MBD3: variants seen among roughly 807,000 people sequenced by gnomAD.
MBD3 encodes methyl-CpG binding domain protein 3.
In MBD3, 13 loss-of-function variants were observed where a neutral mutation model predicts 31.2. That is an observed-to-expected ratio of 0.42 (90% CI 0.27 to 0.66). The LOEUF (loss-of-function observed/expected upper bound fraction) is 0.66, where lower values mean the gene tolerates loss of function less well. MBD3 is among the 30% of genes least tolerant of loss of function. MBD3 has a pLI of 0.26. For synonymous variants in MBD3, 223 were observed against 187.4 expected (o/e 1.19, Z -1.55); for missense variants, 440 against 426.5 (o/e 1.03, Z -0.28).
chr19:1,582,844 A>G, intron 3 of MBD3, 132 bp from the exon 4 acceptor site: 1 of 745,360 alleles, frequency 1.3e-6, no homozygotes. Flanking sequence ...CTCCCCTCCC[A>G]CTGCCTTGGG....
Position 1,585,231 on chromosome 19 carries a change from C to T in MBD3, c.111-17G>A, listed in dbSNP as rs2145603254. ...CCGCTCGGGCTGCGGGGAGGCGGGA[C>T]GGTCGGCGCCCCGGGCGGACCCCAG... On this transcript the variant is annotated splice_polypyrimidine_tract_variant and intron_variant, in intron 1 of 6. Coordinates refer to ENST00000434436, the MANE Select transcript of MBD3 (RefSeq NM_001281453.2). This position sits in a 1 kb window ranked among gnomAD's most constrained non-coding sequence, Gnocchi z 4.1. 1 of 1,571,082 alleles carries T rather than the reference C, an allele frequency of 6.4e-7. No individual in the cohort carries two copies. The highest frequency in any genetic ancestry group is 8.6e-7 in the Non-Finnish European group (1 of 1,165,714).
At position 1,578,476 on chromosome 19, in the gene MBD3, A is replaced by G; in HGVS notation, c.740T>C (p.Met247Thr). ...KRLEEALMAD[M>T]LAHVEELARD... The stretch of plus-strand genomic sequence containing the variant: ...GGCCAGCTCCTCCACGTGCGCCAGC[A>G]TGTCGGCCATCAGCGCCTCCTCCAG... The change falls in exon 6 of 7, where the codon ATG (methionine) becomes ACG (threonine). Residue 247 changes from methionine to threonine, a missense_variant. Coordinates refer to ENST00000434436, the MANE Select transcript of MBD3 (RefSeq NM_001281453.2). The surrounding 1 kb of genome is among the most constrained non-coding windows in gnomAD (Gnocchi z 6.1). 6.2e-7 allele frequency: 1 copy of G among 1,610,758 alleles called. No individual in the cohort carries two copies. The highest frequency in any genetic ancestry group is 8.5e-7 in the Non-Finnish European group (1 of 1,179,870).
At position 1,574,298 on chromosome 19, in the gene MBD3, CA is replaced by C. The variant is rs965122394; in HGVS notation, c.*3865del. 4.0e-5 allele frequency: 6 copies of C among 148,330 alleles called. No homozygotes were observed. Among genetic ancestry groups the C allele is most frequent in the Admixed American group, 6.7e-5 (1 of 14,842 alleles). 9.2% of individuals were successfully genotyped at this position (148,330 alleles called of 1,614,324 possible). A position where few individuals can be genotyped will look rare whatever the true frequency, so the allele number is the denominator to read the frequency against. On this transcript the variant is annotated 3_prime_UTR_variant, in exon 7 of 7. Coordinates refer to ENST00000434436, the MANE Select transcript of MBD3 (RefSeq NM_001281453.2). ...GGGTGACAAGAGTGAGACTCCATCT[CA>C]AAAAAAAAACTGTGGAACATTATCA...
chr19:1,581,025 G>A, intron 5 of MBD3, 67 bp downstream of exon 5: 2 of 1,588,152 alleles, frequency 1.3e-6, no homozygotes, highest in Non-Finnish European at 1.7e-6. Flanking sequence ...GGCACACGGG[G>A]ACACTCAGGG....
rs755847197 is a variant in MBD3 at position 1,582,679 on chromosome 19, C to T, written c.442G>A (p.Ala148Thr). 15 of 1,613,924 alleles carry T rather than the reference C, an allele frequency of 9.3e-6. No individual in the cohort carries two copies. The highest frequency in any genetic ancestry group is 4.5e-5 in the East Asian group (2 of 44,896). ...ACCAGCTCCTCAGCAATGTCGAAGG[C>T]GTTCAGGCCGCTCAGCTTCTTCTCC... ...FWEKKLSGLN[A>T]FDIAEELVKT... The change falls in exon 4 of 7, where the codon GCC becomes ACC. Residue 148 changes from alanine (A) to threonine (T), a missense_variant. Ala to Thr is a moderately conservative substitution (Grantham distance 58). Transcript: ENST00000434436.
intron 1 of MBD3, 94 bp downstream of exon 1, chr19:1,592,428 C>A (rs970453474): frequency 3.1e-5 from 12 of 387,096 alleles, no homozygotes; most frequent in Non-Finnish European, 4.7e-5. Flanking sequence ...CGCGCGGGGC[C>A]CAGGCCGCGG....
intron 1 of MBD3, among the ~76,000 whole-genome samples, chr19:1,587,256 C>T (rs1004223269): frequency 2.0e-5 from 3 of 151,740 alleles, no homozygotes; most frequent in Non-Finnish European, 2.9e-5. Flanking sequence ...TGAGCCACCG[C>T]GCCCAGCCAA....
rs1161765301 is a variant in MBD3 at position 1,592,655 on chromosome 19, G to T, written c.-24C>A. On this transcript the variant is annotated 5_prime_UTR_variant, in exon 1 of 7. Coordinates refer to ENST00000434436, the MANE Select transcript of MBD3 (RefSeq NM_001281453.2). ...ATTGCGCCCGGCTCCTCGGCCCGCCGCCGGGCCCGCCGCCGCCGCCCGGAC... is the reference window on the plus strand; with the variant it reads ...ATTGCGCCCGGCTCCTCGGCCCGCCTCCGGGCCCGCCGCCGCCGCCCGGAC... The T allele has an allele frequency of 1.9e-6, 2 of 1,073,626 alleles. No individual in the cohort carries two copies. The highest frequency in any genetic ancestry group is 2.4e-6 in the Non-Finnish European group (2 of 837,848). 66.5% of individuals were successfully genotyped at this position (1,073,626 alleles called of 1,614,324 possible). A position where few individuals can be genotyped will look rare whatever the true frequency, so the allele number is the denominator to read the frequency against.
chr19:1,585,212 G>C lies in MBD3; in HGVS notation c.113C>G (p.Pro38Arg). The C allele has an allele frequency of 6.3e-7, 1 of 1,591,894 alleles. No individual in the cohort carries two copies. Among genetic ancestry groups the C allele is most frequent in the Non-Finnish European group, 8.5e-7 (1 of 1,174,992 alleles). ...AGHRDVFYYS[P>R]SGKKFRSKPQ... is the part of the protein sequence containing the mutation. The stretch of plus-strand genomic sequence containing the variant: ...CTTGCTGCGGAACTTCTTCCCGCTC[G>C]GGCTGCGGGGAGGCGGGACGGTCGG... The change falls in exon 2 of 7, where the codon CCG becomes CGG. Residue 38 changes from proline (P) to arginine (R), a missense_variant and splice_region_variant. By Grantham distance (103) the Pro-to-Arg change is moderately radical. Transcript: ENST00000434436. The surrounding 1 kb of genome is among the most constrained non-coding windows in gnomAD (Gnocchi z 4.1).
Position 1,579,032 on chromosome 19 carries a change from A to G in MBD3, c.678-494T>C, listed in dbSNP as rs558907208. The stretch of plus-strand genomic sequence containing the variant: ...AACCCCATCTCTACTAAAAATATAA[A>G]AATTAGCTGGGCGTGGTGGCGGCCG... On this transcript the variant is annotated intron_variant, in intron 5 of 6. Transcript: ENST00000434436. Among the ~76,000 whole-genome samples, 109 of 151,856 alleles carry G rather than the reference A, an allele frequency of 7.2e-4. No homozygotes were observed. In the East Asian group the frequency reaches 0.014, roughly 20 times the overall value.
intron 1 of MBD3, among the ~76,000 whole-genome samples, chr19:1,586,797 G>T (rs1185756899): frequency 6.6e-6 from 1 of 151,566 alleles, no homozygotes; most frequent in Non-Finnish European, 1.5e-5. Context: ...CTCCTGAGTA[G>T]CTGGGAGTAC....
chr19:1,582,160 G>A (rs1423388585), intron 4 of MBD3, among the ~76,000 whole-genome samples: 4 of 151,214 alleles, frequency 2.6e-5, no homozygotes, highest in East Asian at 1.9e-4. Context: ...CCCCAGCCCC[G>A]CCAAGTGCTG....
At position 1,584,586 on chromosome 19, in the gene MBD3, T is replaced by C. The variant is rs917325754; in HGVS notation, c.362A>G (p.Asn121Ser). 3 of 1,613,800 alleles carry C rather than the reference T, an allele frequency of 1.9e-6. No homozygotes were observed. The highest frequency in any genetic ancestry group is 1.1e-5 in the South Asian group (1 of 91,094). Residue 121 changes from asparagine to serine, a missense_variant, in exon 3 of 7, where the codon AAC becomes AGC. Transcript: ENST00000434436. ...CTTCTGCGGGTCGCTCTTGACCTTG[T>C]TGCTGGGGTGGTTGGTAATCTTGGT... is the stretch of plus-strand genomic sequence containing the variant. ...PVTKITNHPS[N>S]KVKSDPQKAV...
At chr19:1,583,156 A>G (rs2060660800) in intron 3 of MBD3, 1 of 182,978 alleles carries the variant, frequency 5.5e-6, no homozygotes, top group South Asian at 1.0e-4. Flanking sequence ...GTGAGCTGAG[A>G]CCGCACCATT....
chr19:1,585,729 G>A lies in MBD3; in HGVS notation c.111-515C>T, dbSNP rs879416081. Among the ~76,000 whole-genome samples, 18 of 152,166 alleles carry A rather than the reference G, an allele frequency of 1.2e-4. No homozygotes were observed. Among genetic ancestry groups the A allele is most frequent in the Non-Finnish European group, 1.2e-4 (8 of 68,044 alleles). On this transcript the variant is annotated intron_variant, in intron 1 of 6. Coordinates refer to ENST00000434436, the MANE Select transcript of MBD3 (RefSeq NM_001281453.2). The surrounding 1 kb of genome is among the most constrained non-coding windows in gnomAD (Gnocchi z 4.1). ...TCACATTCTTGAGAAAAGACCCCAC[G>A]GAGAACAGGTATGTGAGGGACAGCC...
intron 5 of MBD3, among the ~76,000 whole-genome samples, chr19:1,579,734 C>T (rs1353464746): frequency 1.3e-5 from 2 of 152,162 alleles, no homozygotes; most frequent in Non-Finnish European, 2.9e-5. Flanking sequence ...TCCTGCGGAA[C>T]CCACCACCGA....
At position 1,585,472 on chromosome 19, in the gene MBD3, G is replaced by C; in HGVS notation, c.111-258C>G. 2.0e-6 allele frequency: 1 copy of C among 511,620 alleles called. No homozygotes were observed. The allele number at this position is 511,620 out of a possible 1,614,324, so 31.7% of individuals were successfully genotyped here. A position where few individuals can be genotyped will look rare whatever the true frequency, so the allele number is the denominator to read the frequency against. On this transcript the variant is annotated intron_variant, in intron 1 of 6. Transcript: ENST00000434436. This position sits in a 1 kb window ranked among gnomAD's most constrained non-coding sequence, Gnocchi z 4.1. ...TAGATCTGGGCGCCAGCCAGACCCAGAGCACTGGCCCCGATCCTCACACCC... is the reference window on the plus strand; with the variant it reads ...TAGATCTGGGCGCCAGCCAGACCCACAGCACTGGCCCCGATCCTCACACCC...
intron 1 of MBD3, among the ~76,000 whole-genome samples, chr19:1,587,965 G>C (rs1185150002): frequency 2.6e-5 from 4 of 152,198 alleles, no homozygotes; most frequent in African/African-American, 7.2e-5. Flanking sequence ...CCAGATGTCA[G>C]ACAACTGAGA....
Position 1,581,214 on chromosome 19 carries a change from C to T in MBD3, c.555G>A (p.Leu185=). 1.2e-6 allele frequency: 2 copies of T among 1,613,554 alleles called. No homozygotes were observed. The highest frequency in any genetic ancestry group is 1.7e-6 in the Non-Finnish European group (2 of 1,179,998). ...ETLLSAIASA[L]HTSTMPITGQ... is the part of the protein sequence containing the mutation. ...CCGTGATGGGCATGGTGCTAGTGTGCAGGGCGCTGGCGATGGCCGACAGCA... is the reference window on the plus strand; with the variant it reads ...CCGTGATGGGCATGGTGCTAGTGTGTAGGGCGCTGGCGATGGCCGACAGCA... The change falls in exon 5 of 7, where the codon CTG becomes CTA. Residue 185 remains leucine, a synonymous_variant. Coordinates refer to ENST00000434436, the MANE Select transcript of MBD3 (RefSeq NM_001281453.2).
Sources: gnomAD v4.1 joint callset for allele counts (sites outside exome capture counted in the v4.1 genomes callset) on GRCh38, gnomAD v4.1.1 for gene constraint, Gnocchi (gnomAD v3.1) non-coding constraint, MANE v1.5 for transcripts, NCBI Gene and HGNC (gene_info 2026-07-23, HGNC 2026-07-21) for gene names.